CHL1: variants seen among roughly 807,000 people sequenced by gnomAD.
CHL1 encodes neural cell adhesion molecule L1-like protein.
A neutral mutation model predicts 141.9 loss-of-function variants in CHL1; 96 were observed. The ratio of observed to expected loss-of-function variants is 0.68; its 90% CI spans 0.57 to 0.80. The LOEUF (loss-of-function observed/expected upper bound fraction) is 0.80, where lower values mean the gene tolerates loss of function less well. CHL1 is among the 30% of genes least tolerant of loss of function. CHL1 has a pLI of 0.00. For synonymous variants in CHL1, 613 were observed against 502.2 expected (o/e 1.22, Z -2.95); for missense variants, 1,820 against 1,457.2 (o/e 1.25, Z -4.05).
chr3:390,250 G>C (rs1445760548), intron 20 of CHL1, among the ~76,000 whole-genome samples: 1 of 152,218 alleles, frequency 6.6e-6, no homozygotes, highest in Non-Finnish European at 1.5e-5. Context: ...AACTCCTGTA[G>C]AACAGAGATA....
intron 1 of CHL1, among the ~76,000 whole-genome samples, chr3:203,930 G>C (rs958678816): frequency 6.6e-6 from 1 of 152,206 alleles, no homozygotes; most frequent in African/African-American, 2.4e-5. Flanking sequence ...TACATTTGTG[G>C]AACGTGAGTA....
intron 15 of CHL1, among the ~76,000 whole-genome samples, chr3:375,873 T>G (rs778042726): frequency 1.3e-5 from 2 of 152,110 alleles, no homozygotes; most frequent in Non-Finnish European, 2.9e-5. Flanking sequence ...AGAGAATCGT[T>G]TTGTCATAGT....
chr3:391,625 T>C (rs771803238), intron 22 of CHL1, 50 bp from the exon 23 acceptor site: 74 of 1,413,674 alleles, frequency 5.2e-5, no homozygotes, highest in Non-Finnish European at 5.0e-5. Context: ...TAAGGCTTTT[T>C]TGAATTTTTC....
Position 302,150 on chromosome 3 carries a change from A to G in CHL1, c.-94-17533A>G, listed in dbSNP as rs149089365. Among the ~76,000 whole-genome samples, 810 of 152,304 alleles carry G rather than the reference A, an allele frequency of 5.3e-3. 4 individuals carry two copies. The highest frequency in any genetic ancestry group is 0.019 in the African/African-American group (776 of 41,570). ...ATTTTCTTAATCCAGTCTATCACTG[A>G]TGGACATTTGGGTTGGTTCCAAGTC... is the stretch of plus-strand genomic sequence containing the variant. On this transcript the variant is annotated intron_variant, in intron 2 of 27. Transcript: ENST00000256509.
intron 2 of CHL1, among the ~76,000 whole-genome samples, chr3:314,513 T>G (rs1371525594): frequency 6.6e-6 from 1 of 151,890 alleles, no homozygotes; most frequent in Non-Finnish European, 1.5e-5. Flanking sequence ...CTACTGTTTC[T>G]TTGGGAGATT....
intron 2 of CHL1, among the ~76,000 whole-genome samples, chr3:274,273 C>A (rs963526270): frequency 2.6e-5 from 4 of 152,180 alleles, no homozygotes; most frequent in African/African-American, 7.2e-5. Context: ...GTACCACATG[C>A]AATTTCTGGT....
At chr3:298,377 G>A (rs1056492883) in intron 2 of CHL1, among the ~76,000 whole-genome samples, 17 of 151,768 alleles carry the variant, frequency 1.1e-4, no homozygotes, top group Admixed American at 2.0e-4. Flanking sequence ...AGTATAGCTC[G>A]CAAATGCTTT....
chr3:242,689 C>T (rs1692775105), intron 1 of CHL1, among the ~76,000 whole-genome samples: 1 of 93,454 alleles, frequency 1.1e-5, no homozygotes, highest in African/African-American at 2.7e-5. Flanking sequence ...CAAACACACA[C>T]ACACACACAG....
chr3:305,055 C>A (rs1021286000), intron 2 of CHL1, among the ~76,000 whole-genome samples: 4 of 152,054 alleles, frequency 2.6e-5, no homozygotes, highest in Non-Finnish European at 5.9e-5. Context: ...ATTCAAATTG[C>A]ATGCCAAACC....
At chr3:292,822 G>A (rs943620801) in intron 2 of CHL1, among the ~76,000 whole-genome samples, 6 of 152,090 alleles carry the variant, frequency 3.9e-5, no homozygotes, top group African/African-American at 7.2e-5. Flanking sequence ...TAAACAACCA[G>A]ATCTCAAGAG....
In CHL1 at chr3:349,488, C is replaced by T. The variant is rs1204601488; in HGVS notation, c.978C>T (p.Cys326=). The stretch of plus-strand genomic sequence containing the variant: ...ACCAGGACAAAGGAAATTATCGCTG[C>T]ACAGCCAGCAATTTCTTGGGAACAG... ...VSYQDKGNYR[C]TASNFLGTAT... The change falls in exon 10 of 28, where the codon TGC becomes TGT. Residue 326 remains cysteine (C), a synonymous_variant. Transcript: ENST00000256509. The T allele has an allele frequency of 6.2e-7, 1 of 1,613,976 alleles. No homozygotes were observed. Among genetic ancestry groups the T allele is most frequent in the Non-Finnish European group, 8.5e-7 (1 of 1,179,910 alleles).
At chr3:347,968 T>A (rs1430201746) in intron 9 of CHL1, among the ~76,000 whole-genome samples, 4 of 151,830 alleles carry the variant, frequency 2.6e-5, no homozygotes, top group Non-Finnish European at 2.9e-5. Flanking sequence ...TTACCTCCAA[T>A]TTTTTTTGCA....
Position 302,993 on chromosome 3 carries a change from T to C in CHL1, c.-94-16690T>C, listed in dbSNP as rs554837119. On this transcript the variant is annotated intron_variant, in intron 2 of 27. Transcript: ENST00000256509. Reference sequence around the variant, plus strand: ...AGTTTTACCAACACCATTTATTAAATAGGGAATCTTTTTCCCATTGCTAGT... The same window carrying C: ...AGTTTTACCAACACCATTTATTAAACAGGGAATCTTTTTCCCATTGCTAGT... Among the ~76,000 whole-genome samples, 6 of 152,326 alleles carry C rather than the reference T, an allele frequency of 3.9e-5. No homozygotes were observed. The East Asian group carries it at 7.7e-4, about 20-fold the overall frequency.
At chr3:368,969 C>T (rs184161079) in intron 15 of CHL1, among the ~76,000 whole-genome samples, 168 of 152,280 alleles carry the variant, frequency 1.1e-3, no homozygotes, top group Middle Eastern at 3.4e-3. Flanking sequence ...GTTTTCATAC[C>T]AGTACCATGC....
At chr3:303,153 TG>T (rs754478509) in intron 2 of CHL1, among the ~76,000 whole-genome samples, 56 of 152,252 alleles carry the variant, frequency 3.7e-4, no homozygotes, top group Non-Finnish European at 7.8e-4. Context: ...AGACTTGTAG[TG>T]TAGTTTGAAG....
chr3:255,230 T>A (rs1694046178), intron 2 of CHL1, among the ~76,000 whole-genome samples: 1 of 152,246 alleles, frequency 6.6e-6, no homozygotes, highest in Non-Finnish European at 1.5e-5. Flanking sequence ...AGAGTTGTTA[T>A]GCAGTTAGTC....
intron 1 of CHL1, among the ~76,000 whole-genome samples, chr3:229,173 C>T (rs62228292): frequency 5.9e-5 from 9 of 152,158 alleles, no homozygotes; most frequent in Non-Finnish European, 1.0e-4. Context: ...TGTTACATTT[C>T]ACTTCTTATT....
In CHL1 at chr3:394,862, A is replaced by C. The variant is rs1245922137; in HGVS notation, c.3084A>C (p.Leu1028Phe). The stretch of plus-strand genomic sequence containing the variant: ...CGATCACGGAGGAAAGCTCCACCTT[A>C]GGAGAAGGGAGTAAGTACATGAGGC... ...GKPITEESST[L>F]GEGSKGIGKI... Residue 1028 changes from leucine to phenylalanine, a missense_variant, in exon 24 of 28, where the codon TTA (leucine) becomes TTC (phenylalanine). Leu to Phe is a conservative substitution (Grantham distance 22). Transcript: ENST00000256509. The C allele has an allele frequency of 6.2e-7, 1 of 1,610,310 alleles. No homozygotes were observed. The highest frequency in any genetic ancestry group is 2.2e-5 in the East Asian group (1 of 44,850).
intron 2 of CHL1, chr3:246,989 C>CA (rs1693232602): frequency 6.6e-6 from 1 of 151,998 alleles, no homozygotes; most frequent in African/African-American, 2.4e-5. Context: ...CTTATCTCTA[C>CA]ACACTGCATC....
Sources: gnomAD v4.1 joint callset for allele counts (sites outside exome capture counted in the v4.1 genomes callset) on GRCh38, gnomAD v4.1.1 for gene constraint, MANE v1.5 for transcripts, NCBI Gene and HGNC (gene_info 2026-07-23, HGNC 2026-07-21) for gene names.